Variants in TERB1 observed in about 807,000 individuals in gnomAD.
TERB1 encodes telomere repeat binding bouquet formation protein 1.
A neutral mutation model predicts 92.3 loss-of-function variants in TERB1; 63 were observed. That is an observed-to-expected ratio of 0.68 (90% CI 0.56 to 0.84). The LOEUF (loss-of-function observed/expected upper bound fraction) is 0.84, where lower values mean the gene tolerates loss of function less well. TERB1 is among the 40% of genes least tolerant of loss of function. The pLI, the probability that TERB1 is intolerant of heterozygous loss-of-function variation, is 0.00. For synonymous variants in TERB1, 252 were observed against 283.9 expected (o/e 0.89, Z 1.13); for missense variants, 709 against 843.7 (o/e 0.84, Z 1.98).
At position 66,765,846 on chromosome 16, in the gene TERB1, G is replaced by A. The variant is rs2018332933; in HGVS notation, c.1780+1569C>T. 3.6e-5 allele frequency among the ~76,000 whole-genome samples: 5 copies of A among 138,146 alleles called. No homozygotes were observed. In the Admixed American group the frequency reaches 3.8e-4, roughly 10 times the overall value. The allele number at this position is 138,146 out of a possible 152,430, so 90.6% of individuals were successfully genotyped here. On this transcript the variant is annotated intron_variant, in intron 16 of 18. Coordinates refer to ENST00000433154, the MANE Select transcript of TERB1 (RefSeq NM_001136505.2). ...GGATAGCAAATCAAACAAACTATTG[G>A]GTATTTTTTTTTTTTTTTTTTTTTT...
chr16:66,759,978 C>A (rs1401473804), intron 16 of TERB1, among the ~76,000 whole-genome samples: 1 of 141,300 alleles, frequency 7.1e-6, no homozygotes, highest in African/African-American at 2.7e-5. Flanking sequence ...ACTAAAAATA[C>A]AAAAATTAGC....
intron 18 of TERB1, 141 bp from the exon 19 acceptor site, chr16:66,755,304 G>A (rs1001349833): frequency 7.6e-5 from 46 of 606,548 alleles, no homozygotes; most frequent in South Asian, 1.9e-4. Flanking sequence ...CTCATCATGT[G>A]GAAACCCACT....
chr16:66,785,315 T>C (rs922246845), intron 9 of TERB1, among the ~76,000 whole-genome samples: 66 of 152,214 alleles, frequency 4.3e-4, no homozygotes, highest in Non-Finnish European at 3.8e-4. Flanking sequence ...AGTGCTGGGA[T>C]TATAGGCGTG....
intron 13 of TERB1, among the ~76,000 whole-genome samples, 151 bp from the exon 14 acceptor site, chr16:66,770,460 G>A (rs1179919910): frequency 6.6e-6 from 1 of 152,120 alleles, no homozygotes; most frequent in Non-Finnish European, 1.5e-5. Context: ...AGGAAGAAAA[G>A]GGAGTTTATT....
chr16:66,788,504 C>T (rs977161345), intron 5 of TERB1, among the ~76,000 whole-genome samples: 4 of 151,532 alleles, frequency 2.6e-5, no homozygotes, highest in African/African-American at 9.7e-5. Context: ...ATCAAAAGTA[C>T]TTAATCTAGG....
At chr16:66,767,280 A>G in intron 16 of TERB1, 135 bp downstream of exon 16, 2 of 555,722 alleles carry the variant, frequency 3.6e-6, no homozygotes, top group South Asian at 2.3e-5. Context: ...TGGAGAGTGC[A>G]GTGAGCCAAG....
intron 9 of TERB1, among the ~76,000 whole-genome samples, chr16:66,781,621 G>A (rs1021677091): frequency 1.3e-5 from 2 of 149,172 alleles, no homozygotes; most frequent in African/African-American, 2.5e-5. Context: ...CTGGGTTCAT[G>A]CCATTCTCCT....
At chr16:66,776,729 AGG>A (rs948409623) in intron 11 of TERB1, among the ~76,000 whole-genome samples, 1 of 152,072 alleles carries the variant, frequency 6.6e-6, no homozygotes, top group African/African-American at 2.4e-5. Context: ...GGAAAATAAA[AGG>A]GGGAGAAGAA....
At chr16:66,760,456 C>CAAAAAAA (rs1338924292) in intron 16 of TERB1, among the ~76,000 whole-genome samples, 4 of 38,366 alleles carry the variant, frequency 1.0e-4, no homozygotes, top group Non-Finnish European at 1.7e-4. Flanking sequence ...GACTCCATCT[C>CAAAAAAA]AAAAAAAAAA....
chr16:66,793,633 T>C (rs1490247811), intron 3 of TERB1, among the ~76,000 whole-genome samples: 1 of 152,110 alleles, frequency 6.6e-6, no homozygotes, highest in East Asian at 1.9e-4. Context: ...CACCTCAGCC[T>C]CCCAAGGAGC....
At position 66,759,276 on chromosome 16, in the gene TERB1, C is replaced by T. The variant is rs2018189794; in HGVS notation, c.1795G>A (p.Glu599Lys). 6.5e-7 allele frequency: 1 copy of T among 1,539,540 alleles called. No individual in the cohort carries two copies. Among genetic ancestry groups the T allele is most frequent in the Admixed American group, 2.1e-5 (1 of 47,126 alleles). The change falls in exon 17 of 19, where the codon GAA (glutamate) becomes AAA (lysine). Residue 599 changes from glutamate to lysine, a missense_variant. By Grantham distance (56) the Glu-to-Lys change is moderately conservative (BLOSUM62 1). Transcript: ENST00000433154. ...TYRCSGCIAVEKSLNSRNFSK... is the reference protein window; with the variant it reads ...TYRCSGCIAVKKSLNSRNFSK... ...AAGTTTCGGCTATTCAGGGATTTTT[C>T]TACTGCTATGCAACCTAAAAGAAAA...
At chr16:66,774,577 C>A (rs1371117544) in intron 12 of TERB1, among the ~76,000 whole-genome samples, 3 of 152,138 alleles carry the variant, frequency 2.0e-5, no homozygotes, top group African/African-American at 7.2e-5. Context: ...AATTTGTGCA[C>A]ACGGCATAAA....
At chr16:66,793,063 T>G (rs1389038148) in intron 3 of TERB1, among the ~76,000 whole-genome samples, 2 of 151,298 alleles carry the variant, frequency 1.3e-5, no homozygotes, top group East Asian at 3.8e-4. Context: ...AGCAAGACTC[T>G]GTCTCAAAAA....
intron 14 of TERB1, among the ~76,000 whole-genome samples, chr16:66,769,372 T>C (rs1285422525): frequency 6.6e-6 from 1 of 152,126 alleles, no homozygotes; most frequent in Non-Finnish European, 1.5e-5. Context: ...TGTAGCAGCA[T>C]CCTCTTCATT....
intron 16 of TERB1, among the ~76,000 whole-genome samples, chr16:66,762,944 A>G (rs2018277377): frequency 6.6e-6 from 1 of 151,238 alleles, no homozygotes; most frequent in Non-Finnish European, 1.5e-5. Flanking sequence ...CAGCCTCCCA[A>G]AGTGCTGAGC....
rs1273706644 is a variant in TERB1, at chr16:66,770,194, T to A, written c.1388A>T (p.Asp463Val). 6.4e-7 allele frequency: 1 copy of A among 1,552,194 alleles called. No individual in the cohort carries two copies. The highest frequency in any genetic ancestry group is 1.4e-5 in the African/African-American group (1 of 73,034). Residue 463 changes from aspartate (D) to valine (V), a missense_variant, in exon 14 of 19, where the codon GAT becomes GTT. Physicochemically the swap from Asp to Val is radical, Grantham distance 152 (BLOSUM62 -3). Transcript: ENST00000433154. ...DRIGRGSKAEDEDKSHSRQLQ... is the reference protein window; with the variant it reads ...DRIGRGSKAEVEDKSHSRQLQ... ...CTGTCTAGAATGGCTTTTATCCTCA[T>A]CTTCTGCTTTGCTACCTCGACCAAT... is the stretch of plus-strand genomic sequence containing the variant.
At chr16:66,758,547 C>T (rs1384768973) in intron 18 of TERB1, 4 of 380,156 alleles carry the variant, frequency 1.1e-5, no homozygotes, top group Non-Finnish European at 1.9e-5. Context: ...TTGAGACCAG[C>T]CTGGCCAACA....
intron 16 of TERB1, among the ~76,000 whole-genome samples, chr16:66,761,030 T>C (rs1454190053): frequency 7.2e-6 from 1 of 139,392 alleles, no homozygotes; most frequent in East Asian, 2.1e-4. Flanking sequence ...GAGAATCGCT[T>C]GAACCCGCCA....
At chr16:66,784,928 G>A (rs2018701594) in intron 9 of TERB1, among the ~76,000 whole-genome samples, 1 of 149,910 alleles carries the variant, frequency 6.7e-6, no homozygotes, top group South Asian at 2.1e-4. Flanking sequence ...TTCACATGTT[G>A]GTCAGGCTGG....
Sources: gnomAD v4.1 joint callset for allele counts (sites outside exome capture counted in the v4.1 genomes callset) on GRCh38, gnomAD v4.1.1 for gene constraint, MANE v1.5 for transcripts, NCBI Gene and HGNC (gene_info 2026-07-23, HGNC 2026-07-21) for gene names.